The following SOX5 variants were observed in gnomAD, a reference collection of about 807,000 sequenced individuals.
The protein encoded by SOX5 is SRY-box transcription factor 5.
A neutral mutation model predicts 92.0 loss-of-function variants in SOX5; 9 were observed. The ratio of observed to expected loss-of-function variants is 0.10; its 90% CI spans 0.06 to 0.17. The LOEUF is 0.17. Ranked by LOEUF, SOX5 falls within the 10% of genes least tolerant of loss-of-function variation. The pLI is 1.00. For synonymous variants in SOX5, 344 were observed against 336.3 expected (o/e 1.02, Z -0.25); for missense variants, 642 against 944.5 (o/e 0.68, Z 4.20).
chr12:24,513,341 A>T (rs1477968291), intron 1 of SOX5, among the ~76,000 whole-genome samples: 1 of 152,234 alleles, frequency 6.6e-6, no homozygotes, highest in African/African-American at 2.4e-5. Flanking sequence ...TGTCTTTCTT[A>T]GGTACTTGGG....
At chr12:24,238,057 A>G (rs1964860172) in intron 3 of SOX5, 1 of 152,234 alleles carries the variant, frequency 6.6e-6, no homozygotes, top group Non-Finnish European at 1.5e-5. Context: ...CCAAGAATAA[A>G]GAGCAAGTGC....
At chr12:24,456,020 G>A (rs919550456) in intron 1 of SOX5, among the ~76,000 whole-genome samples, 1 of 152,162 alleles carries the variant, frequency 6.6e-6, no homozygotes, top group African/African-American at 2.4e-5. Flanking sequence ...GCCTGGTACT[G>A]GAGAGCAGAG....
exon 4 of SOX5, chr12:24,213,346 C>T (rs977507207): frequency 2.0e-5 from 3 of 147,496 alleles, no homozygotes; most frequent in African/African-American, 7.5e-5. Context: ...TCCTGACCTG[C>T]TGAGTCTCCC....
intron 2 of SOX5, among the ~76,000 whole-genome samples, chr12:24,364,439 T>C (rs1485433352): frequency 4.7e-5 from 7 of 149,808 alleles, no homozygotes; most frequent in Non-Finnish European, 8.9e-5. Flanking sequence ...CATAATCTTC[T>C]TGCCTTAACC....
intron 2 of SOX5, among the ~76,000 whole-genome samples, chr12:24,356,571 T>C (rs1459488408): frequency 6.6e-6 from 1 of 152,142 alleles, no homozygotes; most frequent in Non-Finnish European, 1.5e-5. Context: ...CAAACACAGA[T>C]ATTGAGGAGA....
At chr12:23,584,499 C>A (rs78375720) in intron 9 of SOX5, 1 of 1,279,628 alleles carries the variant, frequency 7.8e-7, no homozygotes, top group Non-Finnish European at 1.1e-6. Context: ...TCATTTATTA[C>A]GAGCTCCAAT....
At chr12:24,224,717 T>C (rs564511528) in intron 3 of SOX5, among the ~76,000 whole-genome samples, 1 of 152,228 alleles carries the variant, frequency 6.6e-6, no homozygotes, top group South Asian at 2.1e-4. Flanking sequence ...TGGCTGGGAG[T>C]ATTTATATCT....
intron 4 of SOX5, among the ~76,000 whole-genome samples, chr12:24,188,768 C>G (rs956397014): frequency 2.6e-5 from 4 of 152,052 alleles, no homozygotes; most frequent in African/African-American, 9.7e-5. Context: ...AAGACCAGAG[C>G]TGTGATTTAG....
chr12:23,646,596 G>A (rs1476531474), intron 7 of SOX5, among the ~76,000 whole-genome samples: 1 of 152,190 alleles, frequency 6.6e-6, no homozygotes, highest in Non-Finnish European at 1.5e-5. Context: ...TTTCAGCTTT[G>A]AAGTTCCATC....
chr12:23,827,585 A>G (rs1339804195), intron 3 of SOX5, among the ~76,000 whole-genome samples: 2 of 152,198 alleles, frequency 1.3e-5, no homozygotes, highest in Non-Finnish European at 2.9e-5. Context: ...CATTGTGTTA[A>G]TAAATAACCA....
chr12:24,046,625 T>C (rs1957051431), intron 4 of SOX5, among the ~76,000 whole-genome samples: 1 of 150,960 alleles, frequency 6.6e-6, no homozygotes, highest in South Asian at 2.1e-4. Flanking sequence ...AAAGACATGC[T>C]ACCTAGCCTC....
intron 7 of SOX5, among the ~76,000 whole-genome samples, chr12:23,662,762 T>C (rs73073838): frequency 0.094 from 14,323 of 152,252 alleles, 722 homozygotes; most frequent in Non-Finnish European, 0.11. Flanking sequence ...AAATTTATTT[T>C]ATGTATTTTA....
intron 4 of SOX5, among the ~76,000 whole-genome samples, chr12:24,013,864 A>G (rs1953256027): frequency 6.6e-6 from 1 of 152,222 alleles, no homozygotes; most frequent in East Asian, 1.9e-4. Context: ...TTCACATGAG[A>G]TGCCCCATTT....
intron 6 of SOX5, among the ~76,000 whole-genome samples, chr12:23,714,736 A>G (rs184898951): frequency 6.6e-6 from 1 of 152,348 alleles, no homozygotes; most frequent in Non-Finnish European, 1.5e-5. Flanking sequence ...ATAAAAAGCC[A>G]ATGTAAAAAA....
chr12:24,055,299 T>A (rs1957986039), intron 4 of SOX5, among the ~76,000 whole-genome samples: 1 of 152,182 alleles, frequency 6.6e-6, no homozygotes, highest in South Asian at 2.1e-4. Context: ...ATGCCCTGAT[T>A]ATCAAAGAGG....
intron 3 of SOX5, among the ~76,000 whole-genome samples, chr12:24,239,469 G>A (rs1194132736): frequency 6.6e-6 from 1 of 152,178 alleles, no homozygotes; most frequent in East Asian, 1.9e-4. Flanking sequence ...TTGGCCTGGT[G>A]TGCCTCATTT....
At chr12:24,363,545 A>G (rs1042638427) in intron 2 of SOX5, among the ~76,000 whole-genome samples, 5 of 152,216 alleles carry the variant, frequency 3.3e-5, no homozygotes, top group African/African-American at 1.2e-4. Flanking sequence ...TATAGCAATA[A>G]CATTTATGTA....
intron 1 of SOX5, among the ~76,000 whole-genome samples, chr12:23,900,557 G>A (rs897570976): frequency 1.3e-5 from 2 of 152,086 alleles, no homozygotes; most frequent in African/African-American, 2.4e-5. Context: ...TGATCCCTGG[G>A]TTTTACCCTT....
At chr12:24,237,619 G>T (rs552535179) in intron 3 of SOX5, among the ~76,000 whole-genome samples, 98 of 150,730 alleles carry the variant, frequency 6.5e-4, no homozygotes, top group Non-Finnish European at 1.2e-3. Context: ...ACCTGATAAG[G>T]AAAAAGGTAA....
Sources: gnomAD v4.1 joint callset for allele counts (sites outside exome capture counted in the v4.1 genomes callset) on GRCh38, gnomAD v4.1.1 for gene constraint, MANE v1.5 for transcripts, NCBI Gene and HGNC (gene_info 2026-07-23, HGNC 2026-07-21) for gene names.